GRK3: variants seen among roughly 807,000 people sequenced by gnomAD.
GRK3 encodes the protein G protein-coupled receptor kinase 3.
In GRK3, 54 loss-of-function variants were observed where a neutral mutation model predicts 95.7. That is an observed-to-expected ratio of 0.56 (90% CI 0.45 to 0.71). The LOEUF (loss-of-function observed/expected upper bound fraction) is 0.71. GRK3 is among the 30% of genes least tolerant of loss of function. The pLI is 0.00. For synonymous variants in GRK3, 281 were observed against 290.8 expected, an observed-to-expected ratio of 0.97 and a Z score of 0.34; for missense variants, 649 against 851.2, an observed-to-expected ratio of 0.76 and a Z score of 2.96.
chr22:25,567,703 T>G (rs1381594582), intron 1 of GRK3, among the ~76,000 whole-genome samples: 1 of 152,282 alleles, frequency 6.6e-6, no homozygotes, highest in East Asian at 1.9e-4. Flanking sequence ...CATTTTAATT[T>G]GCCTTTGGTC....
intron 2 of GRK3, among the ~76,000 whole-genome samples, chr22:25,641,700 C>T (rs1056142146): frequency 3.3e-5 from 5 of 152,052 alleles, no homozygotes; most frequent in African/African-American, 1.2e-4. Context: ...TTTAGAAGAT[C>T]CAGGAAAAGT....
chr22:25,601,225 G>A (rs533711615), intron 1 of GRK3, among the ~76,000 whole-genome samples: 2 of 152,194 alleles, frequency 1.3e-5, no homozygotes, highest in Admixed American at 6.5e-5. Context: ...TTAAGTGTAC[G>A]TGAACTACTC....
At chr22:25,689,246 C>T (rs759209533) in intron 11 of GRK3, among the ~76,000 whole-genome samples, 11 of 152,016 alleles carry the variant, frequency 7.2e-5, no homozygotes, top group Non-Finnish European at 1.0e-4. Flanking sequence ...TTTCCTTATG[C>T]GAGCTTTGCA....
At chr22:25,611,799 A>G (rs1190881868) in intron 2 of GRK3, among the ~76,000 whole-genome samples, 3 of 112,054 alleles carry the variant, frequency 2.7e-5, no homozygotes, top group African/African-American at 1.0e-4. Flanking sequence ...CAATTTATAC[A>G]TTTTTTTCTT....
intron 1 of GRK3, among the ~76,000 whole-genome samples, chr22:25,592,353 C>G (rs575597568): frequency 1.3e-5 from 2 of 152,210 alleles, no homozygotes; most frequent in South Asian, 2.1e-4. Context: ...AGCTTTAAAG[C>G]GTCTTTATTT....
chr22:25,633,931 T>C (rs797013056), intron 2 of GRK3, among the ~76,000 whole-genome samples: 7 of 152,286 alleles, frequency 4.6e-5, no homozygotes, highest in African/African-American at 1.7e-4. Context: ...CTTTGGATAA[T>C]TTAATTTTTA....
intron 1 of GRK3, among the ~76,000 whole-genome samples, chr22:25,585,890 G>C (rs1225124960): frequency 6.6e-6 from 1 of 152,260 alleles, no homozygotes; most frequent in Non-Finnish European, 1.5e-5. Flanking sequence ...ACATTTTCTA[G>C]AGCCCCCTTT....
At chr22:25,658,773 G>A (rs558826639) in intron 3 of GRK3, among the ~76,000 whole-genome samples, 2 of 152,224 alleles carry the variant, frequency 1.3e-5, no homozygotes, top group South Asian at 2.1e-4. Context: ...TGGCAGGGGC[G>A]TGGCGAAAGA....
chr22:25,631,046 T>C (rs1378392263), intron 2 of GRK3, among the ~76,000 whole-genome samples: 2 of 152,178 alleles, frequency 1.3e-5, no homozygotes, highest in East Asian at 3.8e-4. Flanking sequence ...CTCACTTTGA[T>C]TTATGTTTAT....
At chr22:25,704,621 G>A (rs1332924462) in intron 15 of GRK3, among the ~76,000 whole-genome samples, 2 of 152,188 alleles carry the variant, frequency 1.3e-5, no homozygotes, top group Non-Finnish European at 1.5e-5. Context: ...ATGTTGGCCA[G>A]GCTGGTCTCA....
At chr22:25,599,001 T>G (rs1362450730) in intron 1 of GRK3, among the ~76,000 whole-genome samples, 2 of 152,146 alleles carry the variant, frequency 1.3e-5, no homozygotes, top group African/African-American at 4.8e-5. Flanking sequence ...AATGTCCATA[T>G]GCAAAAACAA....
At chr22:25,574,654 C>T (rs552392825) in intron 1 of GRK3, among the ~76,000 whole-genome samples, 14 of 152,160 alleles carry the variant, frequency 9.2e-5, no homozygotes, top group African/African-American at 2.4e-4. Context: ...GTGGTGGTGG[C>T]GGGGTCTATT....
chr22:25,710,981 G>A (rs1240743432), intron 16 of GRK3, 87 bp from the exon 17 acceptor site: 8 of 670,502 alleles, frequency 1.2e-5, no homozygotes, highest in Admixed American at 8.9e-5. Flanking sequence ...CGGATATCTC[G>A]CACTGTGCTG....
rs183710235 is a variant in GRK3, at chr22:25,693,694, G to A, written c.1053-1413G>A. On this transcript the variant is annotated intron_variant, in intron 12 of 20. Coordinates refer to ENST00000324198, the MANE Select transcript of GRK3 (RefSeq NM_005160.4). ...AGACAGAGAGTACCAGACCCATGAT[G>A]ACCCAGGCTTATTAGTGATCCAGGA... 2.0e-5 allele frequency among the ~76,000 whole-genome samples: 3 copies of A among 151,848 alleles called. No homozygotes were observed. The East Asian group carries it at 5.8e-4, about 29-fold the overall frequency.
intron 2 of GRK3, among the ~76,000 whole-genome samples, chr22:25,617,784 T>TC (rs1389921511): frequency 6.6e-6 from 1 of 152,224 alleles, no homozygotes; most frequent in Non-Finnish European, 1.5e-5. Context: ...GGATTGCTTT[T>TC]CTTTTTTTTT....
chr22:25,599,448 C>T (rs1295409595), intron 1 of GRK3, among the ~76,000 whole-genome samples: 2 of 151,724 alleles, frequency 1.3e-5, no homozygotes, highest in East Asian at 1.9e-4. Context: ...AAATATTAGC[C>T]GGGCGTGGTG....
In GRK3 at chr22:25,590,984, T is replaced by C. The variant is rs1271113277; in HGVS notation, c.114-13393T>C. On this transcript the variant is annotated intron_variant, in intron 1 of 20. Coordinates refer to ENST00000324198, the MANE Select transcript of GRK3 (RefSeq NM_005160.4). ...CCAGCTGGGCGTTCTACAATTCAAT[T>C]TGATTTTGACACCACCTTAAGTTAG... Among the ~76,000 whole-genome samples the C allele has an allele frequency of 2.0e-5, 3 of 152,096 alleles. No homozygotes were observed. The East Asian group carries it at 5.8e-4, about 29-fold the overall frequency.
chr22:25,703,424 A>G, intron 13 of GRK3, 86 bp from the exon 14 acceptor site: 1 of 1,003,954 alleles, frequency 1.0e-6, no homozygotes. Context: ...GTGATAGGAC[A>G]TCATACTTTA....
intron 1 of GRK3, among the ~76,000 whole-genome samples, chr22:25,601,783 A>G (rs2084411028): frequency 6.6e-6 from 1 of 152,198 alleles, no homozygotes; most frequent in South Asian, 2.1e-4. Flanking sequence ...ATTATACAGA[A>G]AAAAAAGAAC....
Sources: gnomAD v4.1 joint callset for allele counts (sites outside exome capture counted in the v4.1 genomes callset) on GRCh38, gnomAD v4.1.1 for gene constraint, MANE v1.5 for transcripts, NCBI Gene and HGNC (gene_info 2026-07-23, HGNC 2026-07-21) for gene names.